CYP2C19: variants seen among roughly 807,000 people sequenced by gnomAD.
The protein encoded by CYP2C19 is cytochrome P450 family 2 subfamily C member 19, also known as cytochrome P450 2C19.
In CYP2C19, 59 loss-of-function variants were observed where a neutral mutation model predicts 40.9. That is an observed-to-expected ratio of 1.44 (90% CI 1.17 to 1.79). The LOEUF (loss-of-function observed/expected upper bound fraction) is 1.79, where lower values mean the gene tolerates loss of function less well. Among genes scored for constraint, CYP2C19 ranks in the 40% most tolerant of loss-of-function variants. The pLI is 0.00. For synonymous variants in CYP2C19, 253 were observed against 208.7 expected (o/e 1.21, Z -1.83); for missense variants, 754 against 596.9 (o/e 1.26, Z -2.74).
At chr10:94,768,230 C>A (rs1848274871) in intron 1 of CYP2C19, among the ~76,000 whole-genome samples, 1 of 152,152 alleles carries the variant, frequency 6.6e-6, no homozygotes, top group African/African-American at 2.4e-5. Flanking sequence ...TAAGTGCCAC[C>A]AGTTCTGCTA....
At chr10:94,809,863 A>ATGTT (rs1848888204) in intron 5 of CYP2C19, among the ~76,000 whole-genome samples, 1 of 151,874 alleles carries the variant, frequency 6.6e-6, no homozygotes. Context: ...GTGATGGATT[A>ATGTT]TGTTTGTGTG....
intron 3 of CYP2C19, among the ~76,000 whole-genome samples, chr10:94,779,115 G>T (rs1848449443): frequency 6.6e-6 from 1 of 152,034 alleles, no homozygotes; most frequent in Non-Finnish European, 1.5e-5. Flanking sequence ...GCCTGTTGAG[G>T]GGTTGGGGGG....
intron 5 of CYP2C19, among the ~76,000 whole-genome samples, chr10:94,819,224 G>T (rs1299549166): frequency 8.4e-6 from 1 of 119,288 alleles, no homozygotes; most frequent in Non-Finnish European, 1.7e-5. Context: ...AGAATCTCTG[G>T]GACGCATTCA....
At chr10:94,768,206 T>G (rs1848274424) in intron 1 of CYP2C19, among the ~76,000 whole-genome samples, 1 of 152,198 alleles carries the variant, frequency 6.6e-6, no homozygotes, top group Non-Finnish European at 1.5e-5. Context: ...CCTTTCCCAG[T>G]TCTAAGGCTC....
At chr10:94,841,509 G>A (rs1418982727) in intron 6 of CYP2C19, among the ~76,000 whole-genome samples, 1 of 152,188 alleles carries the variant, frequency 6.6e-6, no homozygotes, top group African/African-American at 2.4e-5. Flanking sequence ...CATACAAAGG[G>A]AGGGGACCCA....
At chr10:94,771,805 T>A (rs775736820) in intron 1 of CYP2C19, among the ~76,000 whole-genome samples, 4 of 152,010 alleles carry the variant, frequency 2.6e-5, no homozygotes, top group African/African-American at 4.8e-5. Flanking sequence ...CCCAAAACAG[T>A]CCCTGGACCT....
At chr10:94,845,634 T>C (rs1028909394) in intron 7 of CYP2C19, among the ~76,000 whole-genome samples, 2 of 152,210 alleles carry the variant, frequency 1.3e-5, no homozygotes, top group Non-Finnish European at 2.9e-5. Flanking sequence ...ATGTTTCAAA[T>C]TAATTTTTAT....
chr10:94,783,114 TAAC>T (rs1300880841), intron 5 of CYP2C19, among the ~76,000 whole-genome samples: 1 of 151,836 alleles, frequency 6.6e-6, no homozygotes, highest in Non-Finnish European at 1.5e-5. Context: ...ATAATAATAA[TAAC>T]AATAACAAAA....
At chr10:94,816,448 A>C (rs1430579743) in intron 5 of CYP2C19, among the ~76,000 whole-genome samples, 1 of 152,258 alleles carries the variant, frequency 6.6e-6, no homozygotes, top group South Asian at 2.1e-4. Flanking sequence ...GTAACAGATT[A>C]ACAAACTATA....
intron 6 of CYP2C19, among the ~76,000 whole-genome samples, chr10:94,838,616 C>T (rs985505486): frequency 2.0e-5 from 3 of 152,072 alleles, no homozygotes; most frequent in African/African-American, 7.2e-5. Flanking sequence ...TCATTATTTA[C>T]CCCTTTATCT....
chr10:94,811,953 G>GTT lies in CYP2C19; in HGVS notation c.820-8537_820-8536dup, dbSNP rs150497315. Among the ~76,000 whole-genome samples the GTT allele has an allele frequency of 2.0e-5, 3 of 151,942 alleles. No individual in the cohort carries two copies. In the East Asian group the frequency reaches 5.8e-4, roughly 30 times the overall value. On this transcript the variant is annotated intron_variant, in intron 5 of 8. Transcript: ENST00000371321. ...ATTATTTTGCCTTTTAGTTGATGCAGTTTTTTTATAGTGTTGATGGTCTTT... is the reference window on the plus strand; with the variant it reads ...ATTATTTTGCCTTTTAGTTGATGCAGTTTTTTTTTATAGTGTTGATGGTCTTT...
intron 1 of CYP2C19, among the ~76,000 whole-genome samples, chr10:94,769,610 T>C (rs1848299261): frequency 6.6e-6 from 1 of 152,186 alleles, no homozygotes; most frequent in African/African-American, 2.4e-5. Context: ...GTTTTTGTAC[T>C]CCTAGAATTG....
intron 6 of CYP2C19, among the ~76,000 whole-genome samples, chr10:94,822,384 G>A (rs1849138397): frequency 6.6e-6 from 1 of 152,148 alleles, no homozygotes; most frequent in South Asian, 2.1e-4. Flanking sequence ...TGGGAATTAT[G>A]GGAGCCAAAG....
intron 5 of CYP2C19, among the ~76,000 whole-genome samples, chr10:94,796,359 C>G (rs979008500): frequency 6.6e-6 from 1 of 151,096 alleles, no homozygotes; most frequent in African/African-American, 2.4e-5. Context: ...TGGTCTATAT[C>G]CATATGGTAC....
At chr10:94,831,540 A>T (rs1000177826) in intron 6 of CYP2C19, among the ~76,000 whole-genome samples, 1 of 152,186 alleles carries the variant, frequency 6.6e-6, no homozygotes, top group African/African-American at 2.4e-5. Context: ...GGGTCCACTT[A>T]TCTCCACATC....
At chr10:94,824,940 AATG>A in intron 6 of CYP2C19, among the ~76,000 whole-genome samples, 1 of 148,104 alleles carries the variant, frequency 6.8e-6, no homozygotes. Context: ...GTTTACTGAG[AATG>A]ATGATTTCCA....
chr10:94,795,775 T>C (rs931271038), intron 5 of CYP2C19, among the ~76,000 whole-genome samples: 8 of 152,322 alleles, frequency 5.3e-5, no homozygotes, highest in Middle Eastern at 3.4e-3. Flanking sequence ...CATTTTTTCA[T>C]GTGTCTTTTG....
At chr10:94,795,554 T>A (rs942791696) in intron 5 of CYP2C19, among the ~76,000 whole-genome samples, 1 of 150,740 alleles carries the variant, frequency 6.6e-6, no homozygotes, top group Non-Finnish European at 1.5e-5. Flanking sequence ...GTATTTCCAG[T>A]TCTATATCCC....
chr10:94,775,810 G>C (rs1173808331), intron 3 of CYP2C19: 2 of 526,934 alleles, frequency 3.8e-6, no homozygotes, highest in Admixed American at 6.7e-5. Context: ...AATAAGAAAT[G>C]ATGAATATAG....
Sources: gnomAD v4.1 joint callset for allele counts (sites outside exome capture counted in the v4.1 genomes callset) on GRCh38, gnomAD v4.1.1 for gene constraint, MANE v1.5 for transcripts, NCBI Gene and HGNC (gene_info 2026-07-23, HGNC 2026-07-21) for gene names.